Variants in PRKN observed in about 807,000 individuals in gnomAD.
The protein encoded by PRKN is E3 ubiquitin-protein ligase parkin.
Under a neutral mutation model 59.5 loss-of-function variants are expected in PRKN, and 56 were observed. The observed-to-expected ratio is 0.94, with a 90% CI of 0.76 to 1.18. The LOEUF is 1.18. Among genes scored for constraint, PRKN ranks in the 50% most tolerant of loss-of-function variants. The probability of loss-of-function intolerance (pLI) is 0.00; values close to 1 mark genes in which losing one functional copy is unlikely to be tolerated. For synonymous variants in PRKN, 250 were observed against 222.1 expected, an observed-to-expected ratio of 1.13 and a Z score of -1.12; for missense variants, 657 against 596.4, an observed-to-expected ratio of 1.10 and a Z score of -1.06.
chr6:161,562,195 G>C lies in PRKN; in HGVS notation c.933+7160C>G, dbSNP rs948980935. ...ACCATAAATCAGCATTTCTCCTCTG[G>C]AAGGCCTGCCTTCTCGGCTTCCTCA... is the stretch of plus-strand genomic sequence containing the variant. On this transcript the variant is annotated intron_variant, in intron 8 of 11. Coordinates refer to ENST00000366898, the MANE Select transcript of PRKN (RefSeq NM_004562.3). The surrounding 1 kb of genome is among the most constrained non-coding windows in gnomAD (Gnocchi z 4.3). Among the ~76,000 whole-genome samples, 1 of 151,704 alleles carries C rather than the reference G, an allele frequency of 6.6e-6. No homozygotes were observed. Among genetic ancestry groups the C allele is most frequent in the Admixed American group, 6.6e-5 (1 of 15,236 alleles).
intron 9 of PRKN, among the ~76,000 whole-genome samples, chr6:161,433,431 T>C (rs113241000): frequency 0.01 from 1,566 of 152,312 alleles, 26 homozygotes; most frequent in African/African-American, 0.035. Context: ...GAAAAAATGT[T>C]AACCTCAGAA....
At position 162,560,859 on chromosome 6, in the gene PRKN, A is replaced by AAAAAAAAAAAC. The variant is rs1274512897; in HGVS notation, c.8-117387_8-117386insGTTTTTTTTTT. ...AAGCCCAGAGAGAGAGAGGCAAAAAAAAAAAAAACCCAGGTCATTATAAAA... is the reference window on the plus strand; with the variant it reads ...AAGCCCAGAGAGAGAGAGGCAAAAAAAAAAAAAAAACAAAAAAAACCCAGGTCATTATAAAA... On this transcript the variant is annotated intron_variant, in intron 1 of 11. Transcript: ENST00000366898. 2.7e-5 allele frequency among the ~76,000 whole-genome samples: 4 copies of AAAAAAAAAAAC among 150,408 alleles called. 1 individual carries two copies. The highest frequency in any genetic ancestry group is 5.9e-5 in the Non-Finnish European group (4 of 67,572).
Position 161,376,444 on chromosome 6 carries a change from G to C in PRKN, c.1167+10350C>G, listed in dbSNP as rs914646386. Reference sequence around the variant, plus strand: ...CCATCGTTCTAAGCTAGACATTCATGCATCAACATTAACCCGTCTCCTCTC... The same window carrying C: ...CCATCGTTCTAAGCTAGACATTCATCCATCAACATTAACCCGTCTCCTCTC... On this transcript the variant is annotated intron_variant, in intron 10 of 11. Transcript: ENST00000366898. This position sits in a 1 kb window ranked among gnomAD's most constrained non-coding sequence, Gnocchi z 7.3. Among the ~76,000 whole-genome samples the C allele has an allele frequency of 2.0e-5, 3 of 152,188 alleles. No homozygotes were observed.
intron 4 of PRKN, among the ~76,000 whole-genome samples, chr6:162,147,344 G>GAAAAA (rs767653516): frequency 2.4e-5 from 1 of 42,058 alleles, no homozygotes; most frequent in Admixed American, 2.7e-4. Flanking sequence ...CTCTGTCTCA[G>GAAAAA]AAAAAAAAAA....
At chr6:161,950,357 C>T (rs1287498422) in intron 6 of PRKN, among the ~76,000 whole-genome samples, 6 of 152,002 alleles carry the variant, frequency 3.9e-5, no homozygotes, top group Non-Finnish European at 8.8e-5. Context: ...CCAGCCTGGC[C>T]AATAAGACGA....
intron 4 of PRKN, among the ~76,000 whole-genome samples, chr6:162,179,070 C>T (rs935012756): frequency 2.6e-5 from 4 of 152,016 alleles, no homozygotes. Flanking sequence ...TTCGTAGAGA[C>T]GGAGTCTCAC....
chr6:161,611,976 G>T (rs919827092), intron 7 of PRKN, among the ~76,000 whole-genome samples: 1 of 152,196 alleles, frequency 6.6e-6, no homozygotes, highest in Non-Finnish European at 1.5e-5. Context: ...GAGTGTTCTG[G>T]ATAGGAGATT....
At chr6:162,358,468 T>C (rs1214032586) in intron 2 of PRKN, among the ~76,000 whole-genome samples, 1 of 152,180 alleles carries the variant, frequency 6.6e-6, no homozygotes, top group Non-Finnish European at 1.5e-5. Flanking sequence ...AATAATTAAA[T>C]TGTTTAATGA....
At chr6:161,734,869 G>A (rs17597474) in intron 7 of PRKN, among the ~76,000 whole-genome samples, 20,343 of 151,874 alleles carry the variant, frequency 0.13, 1,751 homozygotes, top group South Asian at 0.22. Context: ...CAATGATGAC[G>A]CACCTAACAG....
chr6:162,406,895 T>G (rs1230731423), intron 2 of PRKN, among the ~76,000 whole-genome samples: 2 of 152,148 alleles, frequency 1.3e-5, no homozygotes, highest in Non-Finnish European at 2.9e-5. Context: ...AGATCTGGTA[T>G]GGCTCTAGGA....
intron 8 of PRKN, among the ~76,000 whole-genome samples, chr6:161,567,040 T>TGTGTGG (rs1780676297): frequency 1.0e-5 from 1 of 99,658 alleles, no homozygotes; most frequent in Non-Finnish European, 2.1e-5. Context: ...TTTTTTTTTG[T>TGTGTGG]GTGTGTGTGT....
chr6:161,589,832 T>C (rs559975888), intron 7 of PRKN, among the ~76,000 whole-genome samples: 221 of 150,322 alleles, frequency 1.5e-3, no homozygotes, highest in African/African-American at 5.3e-3. Flanking sequence ...CAGGCTGGTG[T>C]GTAGTGGTGC....
chr6:161,403,178 G>C (rs894917872), intron 9 of PRKN, among the ~76,000 whole-genome samples: 1 of 152,130 alleles, frequency 6.6e-6, no homozygotes, highest in African/African-American at 2.4e-5. Flanking sequence ...CAGACTGTTA[G>C]AACTGCAGGG....
At chr6:162,345,638 A>G (rs1019328904) in intron 2 of PRKN, among the ~76,000 whole-genome samples, 11 of 152,204 alleles carry the variant, frequency 7.2e-5, no homozygotes, top group Admixed American at 2.0e-4. Context: ...GGTAGCTTAG[A>G]AAAATCACAT....
intron 2 of PRKN, among the ~76,000 whole-genome samples, chr6:162,281,031 G>A (rs370407769): frequency 3.3e-5 from 5 of 152,010 alleles, no homozygotes; most frequent in African/African-American, 1.2e-4. Context: ...CACAGGAACA[G>A]AAAAAAACAC....
chr6:162,519,026 C>G (rs760292140), intron 1 of PRKN, among the ~76,000 whole-genome samples: 1 of 151,882 alleles, frequency 6.6e-6, no homozygotes, highest in African/African-American at 2.4e-5. Flanking sequence ...AAAAATTAAC[C>G]AGGTGTGGTG....
chr6:162,234,687 T>C (rs537129695), intron 3 of PRKN, among the ~76,000 whole-genome samples: 13 of 152,354 alleles, frequency 8.5e-5, no homozygotes, highest in African/African-American at 2.6e-4. Context: ...TTTATATTTA[T>C]TGTTATTTTT....
chr6:162,600,932 T>C (rs1249680502), intron 1 of PRKN, among the ~76,000 whole-genome samples: 1 of 152,252 alleles, frequency 6.6e-6, no homozygotes, highest in African/African-American at 2.4e-5. Context: ...AATTACCCAG[T>C]ATCAGACATT....
chr6:162,005,832 G>A (rs1782230507), intron 5 of PRKN, among the ~76,000 whole-genome samples: 1 of 151,994 alleles, frequency 6.6e-6, no homozygotes, highest in South Asian at 2.1e-4. Context: ...TTGGAAGATG[G>A]GAAGGAGAAA....
Sources: allele counts gnomAD v4.1 joint callset (sites outside exome capture counted in the v4.1 genomes callset), GRCh38; gene constraint gnomAD v4.1.1; non-coding constraint Gnocchi (gnomAD v3.1); transcripts MANE v1.5; gene names NCBI Gene and HGNC (gene_info 2026-07-23, HGNC 2026-07-21).